The following SLIT3 variants were observed in gnomAD, a reference collection of about 807,000 sequenced individuals.
SLIT3 encodes slit guidance ligand 3.
SLIT3 carries 68 observed loss-of-function variants against 184.0 expected under a neutral mutation model. The observed-to-expected ratio is 0.37, with a 90% CI of 0.30 to 0.45. The LOEUF is 0.45. SLIT3 is among the 20% of genes least tolerant of loss of function. SLIT3 has a pLI of 1.00. For missense variants in SLIT3, 1,707 were observed against 2,026.0 expected (o/e 0.84, Z 3.02); for synonymous variants, 831 against 828.6 (o/e 1.00, Z -0.05).
chr5:169,130,284 G>A (rs765681347), intron 4 of SLIT3, among the ~76,000 whole-genome samples: 1 of 152,106 alleles, frequency 6.6e-6, no homozygotes, highest in South Asian at 2.1e-4. Flanking sequence ...AAAATAAAAA[G>A]CATATTTAAA....
chr5:168,961,934 C>T (rs935254661), intron 4 of SLIT3, among the ~76,000 whole-genome samples: 4 of 152,008 alleles, frequency 2.6e-5, no homozygotes, highest in Non-Finnish European at 4.4e-5. Context: ...GAAAAGACCA[C>T]TCTGGGTATG....
At chr5:168,861,579 G>A (rs1006751133) in intron 5 of SLIT3, among the ~76,000 whole-genome samples, 6 of 152,124 alleles carry the variant, frequency 3.9e-5, no homozygotes, top group African/African-American at 1.4e-4. Flanking sequence ...TTGCATTAAG[G>A]AGCTGATTCC....
intron 11 of SLIT3, among the ~76,000 whole-genome samples, chr5:168,787,269 G>T (rs1376872682): frequency 6.6e-6 from 1 of 152,224 alleles, no homozygotes; most frequent in African/African-American, 2.4e-5. Context: ...AGGACTTCTA[G>T]TGTAGCAGAA....
intron 4 of SLIT3, among the ~76,000 whole-genome samples, chr5:168,995,246 A>G (rs1044384082): frequency 2.6e-5 from 4 of 152,328 alleles, no homozygotes; most frequent in African/African-American, 7.2e-5. Flanking sequence ...TACTCACAGC[A>G]GAAGAATGTT....
chr5:168,944,818 T>G (rs1370971387), intron 4 of SLIT3, among the ~76,000 whole-genome samples: 1 of 152,302 alleles, frequency 6.6e-6, no homozygotes, highest in Non-Finnish European at 1.5e-5. Context: ...GTATGGTGAC[T>G]TGATGGCTCT....
intron 4 of SLIT3, among the ~76,000 whole-genome samples, chr5:169,171,748 C>A (rs1005471441): frequency 6.6e-6 from 1 of 152,142 alleles, no homozygotes; most frequent in Non-Finnish European, 1.5e-5. Context: ...ACATCTACCT[C>A]GGAGGACTCA....
chr5:169,130,018 TTTGTA>T (rs1233666560), intron 4 of SLIT3, among the ~76,000 whole-genome samples: 1 of 152,078 alleles, frequency 6.6e-6, no homozygotes, highest in African/African-American at 2.4e-5. Context: ...CGGGCTAATT[TTTGTA>T]TTTTTAGTGG....
chr5:169,140,441 T>C (rs55912726), intron 4 of SLIT3, among the ~76,000 whole-genome samples: 30,077 of 135,296 alleles, frequency 0.22, 3,498 homozygotes, highest in Middle Eastern at 0.38. Context: ...GATTGCGCCA[T>C]TGCACTCTGG....
intron 4 of SLIT3, among the ~76,000 whole-genome samples, chr5:169,188,233 A>G (rs1386943160): frequency 1.3e-5 from 2 of 152,190 alleles, no homozygotes; most frequent in African/African-American, 2.4e-5. Context: ...TGCTTAGATA[A>G]CAGGCATGAG....
intron 4 of SLIT3, among the ~76,000 whole-genome samples, chr5:169,082,230 G>A (rs1432107221): frequency 6.6e-6 from 1 of 152,170 alleles, no homozygotes; most frequent in African/African-American, 2.4e-5. Context: ...TCTATGCCAA[G>A]TCTAAAGCCT....
intron 4 of SLIT3, among the ~76,000 whole-genome samples, chr5:169,105,006 A>C (rs2113240360): frequency 6.6e-6 from 1 of 152,298 alleles, no homozygotes; most frequent in South Asian, 2.1e-4. Flanking sequence ...GATCACATGT[A>C]ATTGTTTTAT....
At chr5:169,175,479 A>G (rs1275474233) in intron 4 of SLIT3, among the ~76,000 whole-genome samples, 2 of 152,186 alleles carry the variant, frequency 1.3e-5, no homozygotes. Flanking sequence ...TTCCTCCATA[A>G]TAAAATGAAA....
chr5:169,174,831 C>T (rs1241343346), intron 4 of SLIT3, among the ~76,000 whole-genome samples: 2 of 152,110 alleles, frequency 1.3e-5, no homozygotes, highest in East Asian at 3.9e-4. Context: ...CCAGATCTCT[C>T]TCCGCTCTTT....
At chr5:168,878,934 C>A (rs902358083) in intron 5 of SLIT3, among the ~76,000 whole-genome samples, 5 of 152,074 alleles carry the variant, frequency 3.3e-5, no homozygotes, top group Non-Finnish European at 7.4e-5. Flanking sequence ...AGGCTGGTCT[C>A]GAATTCCTGA....
At chr5:168,869,554 A>G (rs1421080415) in intron 5 of SLIT3, among the ~76,000 whole-genome samples, 2 of 152,196 alleles carry the variant, frequency 1.3e-5, no homozygotes, top group East Asian at 1.9e-4. Flanking sequence ...GCCTCTGTTT[A>G]TTTGGTGTAC....
At chr5:168,728,670 T>C (rs868037395) in intron 20 of SLIT3, among the ~76,000 whole-genome samples, 2 of 152,038 alleles carry the variant, frequency 1.3e-5, no homozygotes, top group South Asian at 2.1e-4. Context: ...CCTGTAATTC[T>C]AGCAGTCTGG....
chr5:169,099,863 G>A (rs1037372185), intron 4 of SLIT3, among the ~76,000 whole-genome samples: 1 of 152,238 alleles, frequency 6.6e-6, no homozygotes, highest in Non-Finnish European at 1.5e-5. Context: ...TAACATCTAA[G>A]GTGTGCCCCG....
At chr5:168,828,514 G>T (rs560465085) in intron 6 of SLIT3, among the ~76,000 whole-genome samples, 1 of 152,012 alleles carries the variant, frequency 6.6e-6, no homozygotes, top group African/African-American at 2.4e-5. Context: ...ATAAAAATTA[G>T]CTGGGTATGG....
intron 4 of SLIT3, among the ~76,000 whole-genome samples, chr5:168,910,635 A>G (rs895165905): frequency 1.3e-5 from 2 of 151,030 alleles, no homozygotes; most frequent in Non-Finnish European, 2.9e-5. Flanking sequence ...AGTCCCAGCT[A>G]CTCCAGAGGC....
Sources: gnomAD v4.1 joint callset for allele counts (sites outside exome capture counted in the v4.1 genomes callset) on GRCh38, gnomAD v4.1.1 for gene constraint, MANE v1.5 for transcripts, NCBI Gene and HGNC (gene_info 2026-07-23, HGNC 2026-07-21) for gene names.